ANXA8: variants seen among roughly 807,000 people sequenced by gnomAD.
The protein encoded by ANXA8 is VAC-beta.
ANXA8 carries 9 observed loss-of-function variants against 26.8 expected under a neutral mutation model. The observed-to-expected ratio is 0.34, with a 90% confidence interval of 0.20 to 0.59. The LOEUF (loss-of-function observed/expected upper bound fraction) is 0.59. Among genes scored for constraint, ANXA8 ranks in the 20% least tolerant of loss-of-function variants. The pLI is 0.84. For missense variants in ANXA8, 83 were observed against 238.5 expected (o/e 0.35, Z 4.29); for synonymous variants, 39 against 94.8 (o/e 0.41, Z 3.42).
At chr10:47,645,990 C>T in the ANXA8 span, among the ~76,000 whole-genome samples, 161 of 149,014 alleles carry the variant, frequency 1.1e-3, no homozygotes, top group Admixed American at 2.8e-3. Flanking sequence ...TTCTCAGTCT[C>T]GACATCCTTG....
chr10:47,968,667 C>T, the ANXA8 span, among the ~76,000 whole-genome samples: 5 of 149,380 alleles, frequency 3.3e-5, no homozygotes, highest in African/African-American at 1.2e-4. Flanking sequence ...ACAGGGCTTT[C>T]CTAACTTCAC....
At chr10:47,733,219 TTCTCTTTC>T in the ANXA8 span, among the ~76,000 whole-genome samples, 6 of 68,084 alleles carry the variant, frequency 8.8e-5, no homozygotes, top group African/African-American at 1.7e-4. Flanking sequence ...CTTTCTTTCT[TTCTCTTTC>T]TTTCTCTCTT....
Position 47,469,057 on chromosome 10 carries a change from C to T in ANXA8, c.925-151G>A, listed in dbSNP as rs1839214825. ...CTAGCCGCAGGGGTTGTGCCATCAC[C>T]CCTCTTTCCTTGTTTTTAATTTCAG... On this transcript the variant is annotated intron_variant, in intron 11 of 11. Transcript: ENST00000585281. 1.2e-4 allele frequency: 155 copies of T among 1,271,590 alleles called. 1 individual carries two copies. In the South Asian group the frequency reaches 2.0e-3, roughly 16 times the overall value. 78.8% of individuals were successfully genotyped at this position (1,271,590 alleles called of 1,614,324 possible).
chr10:47,920,157 G>A, the ANXA8 span, among the ~76,000 whole-genome samples: 1 of 63,350 alleles, frequency 1.6e-5, no homozygotes, highest in Non-Finnish European at 2.7e-5. Flanking sequence ...TCCTGCCTTC[G>A]AGATCTGGTT....
At chr10:47,733,219 T>TCTCTCTCTC in the ANXA8 span, among the ~76,000 whole-genome samples, 66 of 67,986 alleles carry the variant, frequency 9.7e-4, no homozygotes, top group Non-Finnish European at 1.1e-3. Context: ...CTTTCTTTCT[T>TCTCTCTCTC]TCTCTTTCTT....
the ANXA8 span, among the ~76,000 whole-genome samples, chr10:47,957,068 C>T: frequency 6.6e-6 from 1 of 150,382 alleles, no homozygotes; most frequent in Non-Finnish European, 1.5e-5. Flanking sequence ...TCCTGGGCTG[C>T]AGATTCATTG....
At chr10:47,501,449 C>T in the ANXA8 span, among the ~76,000 whole-genome samples, 1 of 138,434 alleles carries the variant, frequency 7.2e-6, no homozygotes, top group South Asian at 2.4e-4. Context: ...GTGGCTCACC[C>T]CCATAATCCC....
chr10:47,495,436 C>G, the ANXA8 span, among the ~76,000 whole-genome samples: 2 of 150,384 alleles, frequency 1.3e-5, no homozygotes, highest in Non-Finnish European at 3.0e-5. Flanking sequence ...CCGGCACATG[C>G]CACCATGCCT....
At chr10:47,973,708 C>T in the ANXA8 span, among the ~76,000 whole-genome samples, 1 of 150,980 alleles carries the variant, frequency 6.6e-6, no homozygotes, top group Non-Finnish European at 1.5e-5. Context: ...CCCAGCCAGG[C>T]TGCCACTCAG....
chr10:47,563,674 T>A, the ANXA8 span: 1 of 819,960 alleles, frequency 1.2e-6, no homozygotes, highest in Non-Finnish European at 2.2e-6. Flanking sequence ...CATACAAGTG[T>A]GCAGTGGTTG....
the ANXA8 span, among the ~76,000 whole-genome samples, chr10:47,960,754 C>G: frequency 6.9e-6 from 1 of 145,422 alleles, no homozygotes; most frequent in African/African-American, 2.7e-5. Context: ...TCATGCCCCC[C>G]CAACAGTGAT....
the ANXA8 span, among the ~76,000 whole-genome samples, chr10:47,733,214 TTTCTTTCTCTTTCTTTCTC>T: frequency 1.1e-5 from 1 of 89,170 alleles, no homozygotes; most frequent in East Asian, 3.2e-4. Context: ...TCTTTCTTTC[TTTCTTTCTCTTTCTTTCTC>T]TCTTTCTTTC....
the ANXA8 span, among the ~76,000 whole-genome samples, chr10:47,949,121 TACACACAC>T: frequency 1.5e-4 from 2 of 13,572 alleles, no homozygotes; most frequent in Non-Finnish European, 2.7e-4. Flanking sequence ...GCCAATTCCT[TACACACAC>T]ACACACACAC....
chr10:47,533,218 C>CACACACACACACAT, the ANXA8 span, among the ~76,000 whole-genome samples: 1 of 112,246 alleles, frequency 8.9e-6, no homozygotes, highest in African/African-American at 3.2e-5. Context: ...CACACACACA[C>CACACACACACACAT]ACACACCCCC....
At chr10:47,675,972 C>A in the ANXA8 span, among the ~76,000 whole-genome samples, 1 of 150,136 alleles carries the variant, frequency 6.7e-6, no homozygotes. Flanking sequence ...TAGCAGAGAC[C>A]AGGGAAAACA....
the ANXA8 span, among the ~76,000 whole-genome samples, chr10:47,687,937 TA>T: frequency 1.3e-5 from 2 of 151,608 alleles, 1 homozygote; most frequent in Non-Finnish European, 2.9e-5. Flanking sequence ...CCATCTCTAC[TA>T]AAAAAACTAA....
the ANXA8 span, among the ~76,000 whole-genome samples, chr10:47,489,390 A>G: frequency 1.3e-5 from 2 of 150,860 alleles, no homozygotes; most frequent in African/African-American, 2.4e-5. Flanking sequence ...CACAGAGAGA[A>G]CCATCTAGAC....
chr10:47,650,764 A>T, the ANXA8 span, among the ~76,000 whole-genome samples: 1 of 146,384 alleles, frequency 6.8e-6, no homozygotes, highest in African/African-American at 2.6e-5. Flanking sequence ...TGGAGATCGC[A>T]CCACTGCACT....
At chr10:47,920,578 AAAC>A in the ANXA8 span, among the ~76,000 whole-genome samples, 3 of 125,726 alleles carry the variant, frequency 2.4e-5, no homozygotes, top group African/African-American at 9.1e-5. Flanking sequence ...TGCTCTGCAA[AAAC>A]TGCCTTAACA....
Sources: gnomAD v4.1 joint callset for allele counts (sites outside exome capture counted in the v4.1 genomes callset) on GRCh38, gnomAD v4.1.1 for gene constraint, MANE v1.5 for transcripts, NCBI Gene and HGNC (gene_info 2026-07-23, HGNC 2026-07-21) for gene names.